Variants in ELP6 observed in about 807,000 individuals in gnomAD.
The protein encoded by ELP6 is elongator complex protein 6.
In ELP6, 23 loss-of-function variants were observed where a neutral mutation model predicts 28.1. The ratio of observed to expected loss-of-function variants is 0.82; its 90% CI spans 0.59 to 1.16. ELP6 has a LOEUF of 1.16. Ranked by LOEUF, ELP6 falls within the 50% of genes most tolerant of loss-of-function variation. The pLI is 0.00. For synonymous variants in ELP6, 132 were observed against 135.8 expected, an observed-to-expected ratio of 0.97 and a Z score of 0.19; for missense variants, 313 against 334.6, an observed-to-expected ratio of 0.94 and a Z score of 0.50.
At chr3:47,499,944 G>A (rs1708597391) in intron 5 of ELP6, 11 of 1,352,142 alleles carry the variant, frequency 8.1e-6, no homozygotes, top group Admixed American at 4.0e-5. Flanking sequence ...TGCAGCTTCC[G>A]AGTCCTGGTG....
rs1240410345 is a variant in ELP6, at chr3:47,511,320, C to G, written c.55-94G>C. On this transcript the variant is annotated intron_variant, in intron 1 of 6. Transcript: ENST00000296149. ...GTCAATTGTGTCCACACCTTAATTT[C>G]TCCACCTGAAGAGTTTATTTTTTTA... 7 of 1,500,444 alleles carry G rather than the reference C, an allele frequency of 4.7e-6. No homozygotes were observed. The East Asian group carries it at 1.4e-4, about 29-fold the overall frequency. The allele number at this position is 1,500,444 out of a possible 1,614,324, so 92.9% of individuals were successfully genotyped here.
At chr3:47,497,137 T>A (rs1300785661) in intron 6 of ELP6, 13 of 983,892 alleles carry the variant, frequency 1.3e-5, no homozygotes, top group Non-Finnish European at 1.6e-5. Context: ...CAGGAAGCTG[T>A]GGTGGAGGCT....
chr3:47,502,711 G>A (rs115941814), intron 4 of ELP6, among the ~76,000 whole-genome samples: 15 of 151,884 alleles, frequency 9.9e-5, no homozygotes, highest in African/African-American at 3.4e-4. Context: ...ATGGTGGTAC[G>A]CCCCTGTAGT....
intron 1 of ELP6, chr3:47,511,683 A>G (rs1709021463): frequency 1.6e-6 from 1 of 623,162 alleles, no homozygotes; most frequent in Non-Finnish European, 2.0e-6. Flanking sequence ...AGGGTGAGGG[A>G]GAAGGGAGGA....
chr3:47,500,252 C>T, intron 5 of ELP6: 1 of 1,048,840 alleles, frequency 9.5e-7, no homozygotes, highest in Non-Finnish European at 1.1e-6. Flanking sequence ...GTGTGGATGG[C>T]AGGTTACCAG....
At chr3:47,510,335 C>G in intron 2 of ELP6, 81 bp from the exon 3 acceptor site, 1 of 1,219,072 alleles carries the variant, frequency 8.2e-7, no homozygotes, top group Non-Finnish European at 1.2e-6. Flanking sequence ...GAAAAAAAAG[C>G]ACTGAGGCAA....
intron 1 of ELP6, chr3:47,513,325 G>A (rs764264795): frequency 5.1e-5 from 70 of 1,385,338 alleles, no homozygotes; most frequent in Non-Finnish European, 6.3e-5. Flanking sequence ...ACGCACAGCC[G>A]TTGAGAATAT....
In ELP6 at chr3:47,513,529, C is replaced by T. The variant is rs768479891; in HGVS notation, c.54+8G>A. On this transcript the variant is annotated splice_region_variant and intron_variant, in intron 1 of 6. Coordinates refer to ENST00000296149, the MANE Select transcript of ELP6 (RefSeq NM_001031703.3). ...TCCCGCCCCCTTCCGGCCAGCGGGA[C>T]CTCTTACCTGCTCCGCCCTGTCGGG... 1.2e-6 allele frequency: 2 copies of T among 1,612,198 alleles called. No individual in the cohort carries two copies. Among genetic ancestry groups the T allele is most frequent in the Non-Finnish European group, 1.7e-6 (2 of 1,179,146 alleles).
chr3:47,501,842 A>G lies in ELP6; in HGVS notation c.333T>C (p.Asn111=). 6.2e-7 allele frequency: 1 copy of G among 1,613,480 alleles called. No individual in the cohort carries two copies. The highest frequency in any genetic ancestry group is 1.1e-5 in the South Asian group (1 of 91,004). ...PHPLQFLREA[N]AGNLKPLFEF... ...CAAACAATGGTTTCAAGTTCCCAGC[A>G]TTAGCCTCCCTGGAGAGACAGGACA... The change falls in exon 5 of 7, where the codon AAT becomes AAC. Residue 111 remains asparagine, a synonymous_variant. Coordinates refer to ENST00000296149, the MANE Select transcript of ELP6 (RefSeq NM_001031703.3).
Position 47,495,992 on chromosome 3 carries a change from G to T in ELP6, c.*77C>A. ...CTGAAATATTACTACAGAGGAGAAAGACCCATTCTTGCTATGTTGCTCTAT... is the reference window on the plus strand; with the variant it reads ...CTGAAATATTACTACAGAGGAGAAATACCCATTCTTGCTATGTTGCTCTAT... On this transcript the variant is annotated 3_prime_UTR_variant, in exon 7 of 7. Coordinates refer to ENST00000296149, the MANE Select transcript of ELP6 (RefSeq NM_001031703.3). The T allele has an allele frequency of 6.2e-7, 1 of 1,607,476 alleles. No individual in the cohort carries two copies. The highest frequency in any genetic ancestry group is 1.1e-5 in the South Asian group (1 of 90,212).
At chr3:47,511,399 A>C (rs1445966801) in intron 1 of ELP6, 173 bp from the exon 2 acceptor site, 1 of 1,414,286 alleles carries the variant, frequency 7.1e-7, no homozygotes, top group East Asian at 2.6e-5. Context: ...AAAATTATGG[A>C]AAATCCATGA....
At chr3:47,502,839 C>CA (rs1236308551) in intron 4 of ELP6, among the ~76,000 whole-genome samples, 190 of 144,930 alleles carry the variant, frequency 1.3e-3, no homozygotes, top group African/African-American at 3.5e-3. Flanking sequence ...GACCCTGTCT[C>CA]AAAAAAAAAA....
At chr3:47,502,502 G>T in intron 4 of ELP6, 1 of 984,660 alleles carries the variant, frequency 1.0e-6, no homozygotes, top group Non-Finnish European at 1.2e-6. Context: ...CTTGGATTGG[G>T]CAGGCGGAAA....
intron 3 of ELP6, among the ~76,000 whole-genome samples, chr3:47,506,914 C>T (rs1708854436): frequency 6.6e-6 from 1 of 152,198 alleles, no homozygotes; most frequent in African/African-American, 2.4e-5. Flanking sequence ...CAGCCGGTCC[C>T]TCCGTTTGGA....
chr3:47,498,220 C>T (rs1708535261), intron 6 of ELP6, 66 bp downstream of exon 6: 3 of 1,587,188 alleles, frequency 1.9e-6, no homozygotes, highest in Admixed American at 1.7e-5. Flanking sequence ...CCTGACTCTC[C>T]CCTATGTAGT....
At position 47,501,080 on chromosome 3, in the gene ELP6, T is replaced by C. The variant is rs79194148; in HGVS notation, c.525+570A>G. ...CTATTATTATTGTTAAAAACCCTATTATGGCTATTAAGTGCAGTAGTATTT... is the reference window on the plus strand; with the variant it reads ...CTATTATTATTGTTAAAAACCCTATCATGGCTATTAAGTGCAGTAGTATTT... On this transcript the variant is annotated intron_variant, in intron 5 of 6. Coordinates refer to ENST00000296149, the MANE Select transcript of ELP6 (RefSeq NM_001031703.3). 1.2e-4 allele frequency among the ~76,000 whole-genome samples: 19 copies of C among 152,288 alleles called. No individual in the cohort carries two copies. The East Asian group carries it at 3.7e-3, about 29-fold the overall frequency.
At chr3:47,509,577 T>G (rs1708951992) in intron 3 of ELP6, among the ~76,000 whole-genome samples, 1 of 152,134 alleles carries the variant, frequency 6.6e-6, no homozygotes, top group Non-Finnish European at 1.5e-5. Context: ...GACCAAAGTG[T>G]GATCTCCAAC....
Position 47,501,651 on chromosome 3 carries a change from T to A in ELP6, c.524A>T (p.Lys175Met). The change falls in exon 5 of 7, where the codon AAG (lysine) becomes ATG (methionine). Residue 175 changes from lysine to methionine, a missense_variant and splice_region_variant. Lys to Met is a moderately conservative substitution (Grantham distance 95, BLOSUM62 -1). Coordinates refer to ENST00000296149, the MANE Select transcript of ELP6 (RefSeq NM_001031703.3). ...CAGAGAAGGCAGTTCCATGAGTACC[T>A]TTAGTTCCCAGCACACGGTGGCTCT... The part of the protein sequence containing the change: ...YCRATVCWEL[K>M]GNMVVLVHDS... 3 of 1,613,996 alleles carry A rather than the reference T, an allele frequency of 1.9e-6. No individual in the cohort carries two copies. The highest frequency in any genetic ancestry group is 2.5e-6 in the Non-Finnish European group (3 of 1,179,938).
chr3:47,501,573 G>T, intron 5 of ELP6, 77 bp downstream of exon 5: 1 of 1,427,216 alleles, frequency 7.0e-7, no homozygotes, highest in Non-Finnish European at 9.8e-7. Context: ...AAAGATCACA[G>T]CAAGCAAGTG....
Sources: gnomAD v4.1 joint callset for allele counts (sites outside exome capture counted in the v4.1 genomes callset) on GRCh38, gnomAD v4.1.1 for gene constraint, MANE v1.5 for transcripts, NCBI Gene and HGNC (gene_info 2026-07-23, HGNC 2026-07-21) for gene names.